The following RAP1B variants were observed in gnomAD, a reference collection of about 807,000 sequenced individuals.
The protein encoded by RAP1B is ras-related protein Rap-1b.
A neutral mutation model predicts 27.5 loss-of-function variants in RAP1B; 1 was observed. The ratio of observed to expected loss-of-function variants is 0.04; its 90% CI spans 0.01 to 0.17. The LOEUF (loss-of-function observed/expected upper bound fraction) is 0.17, where lower values mean the gene tolerates loss of function less well. Among genes scored for constraint, RAP1B ranks in the 10% least tolerant of loss-of-function variants. The probability of loss-of-function intolerance (pLI) is 1.00; values close to 1 mark genes in which losing one functional copy is unlikely to be tolerated. For synonymous variants in RAP1B, 75 were observed against 73.1 expected (o/e 1.03, Z -0.13); for missense variants, 84 against 214.8 (o/e 0.39, Z 3.81).
intron 1 of RAP1B, among the ~76,000 whole-genome samples, 172 bp downstream of exon 1, chr12:68,611,215 G>T (rs991438437): frequency 2.0e-5 from 3 of 146,862 alleles, no homozygotes; most frequent in African/African-American, 7.3e-5. Context: ...CGAGGGCCAG[G>T]CGCCGGGCCC....
chr12:68,645,978 G>A (rs1026672856), intron 1 of RAP1B, among the ~76,000 whole-genome samples: 4 of 152,270 alleles, frequency 2.6e-5, no homozygotes, highest in East Asian at 1.9e-4. Context: ...AAAGGAGCAA[G>A]TTACTGATAG....
chr12:68,651,463 A>G (rs1425973002), intron 3 of RAP1B, among the ~76,000 whole-genome samples: 1 of 151,934 alleles, frequency 6.6e-6, no homozygotes, highest in Non-Finnish European at 1.5e-5. Context: ...CTAAATACCT[A>G]TTTTTCCCTA....
chr12:68,652,130 A>G (rs892974888), intron 4 of RAP1B, 79 bp downstream of exon 4: 8 of 1,104,150 alleles, frequency 7.2e-6, no homozygotes, highest in East Asian at 7.2e-5. Flanking sequence ...CTATAGACAA[A>G]TATTAGTTAA....
intron 5 of RAP1B, 106 bp downstream of exon 5, chr12:68,654,358 G>GGA: frequency 2.3e-6 from 1 of 442,540 alleles, no homozygotes; most frequent in South Asian, 4.4e-5. Flanking sequence ...GGTTGGGGGG[G>GGA]GGGTGTTGGT....
chr12:68,616,050 G>A (rs371593563), intron 1 of RAP1B, among the ~76,000 whole-genome samples: 9 of 151,460 alleles, frequency 5.9e-5, no homozygotes, highest in African/African-American at 1.2e-4. Context: ...TGCAAGCTCC[G>A]CCTCCAGGGT....
chr12:68,624,252 C>G (rs1871590197), intron 1 of RAP1B, among the ~76,000 whole-genome samples: 1 of 152,098 alleles, frequency 6.6e-6, no homozygotes, highest in Admixed American at 6.5e-5. Context: ...TCTATAATTG[C>G]AGAGTCCAGT....
intron 1 of RAP1B, among the ~76,000 whole-genome samples, chr12:68,622,877 CTT>C: frequency 6.6e-6 from 1 of 152,164 alleles, no homozygotes; most frequent in Non-Finnish European, 1.5e-5. Flanking sequence ...TTTCTTCACT[CTT>C]TTGGTAGTGG....
At chr12:68,630,932 GTT>G (rs150971331) in intron 1 of RAP1B, among the ~76,000 whole-genome samples, 1 of 146,490 alleles carries the variant, frequency 6.8e-6, no homozygotes, top group Non-Finnish European at 1.5e-5. Context: ...GCCTGAATTT[GTT>G]TTTTTTTTCA....
At chr12:68,654,067 G>C (rs774662343) in intron 4 of RAP1B, 45 bp from the exon 5 acceptor site, 1 of 1,501,230 alleles carries the variant, frequency 6.7e-7, no homozygotes, top group African/African-American at 1.4e-5. Flanking sequence ...AAAAATAACT[G>C]TCAAAACATT....
intron 1 of RAP1B, among the ~76,000 whole-genome samples, chr12:68,632,034 C>T (rs1209661672): frequency 6.6e-6 from 1 of 150,454 alleles, no homozygotes; most frequent in African/African-American, 2.5e-5. Flanking sequence ...TTTTGCATAT[C>T]AGTGCTTTAC....
intron 1 of RAP1B, chr12:68,621,356 T>G (rs1301689337): frequency 6.7e-6 from 1 of 150,186 alleles, no homozygotes; most frequent in Non-Finnish European, 1.5e-5. Flanking sequence ...TGTCACTGAC[T>G]ATTATTTATA....
chr12:68,622,966 G>T (rs1871489327), intron 1 of RAP1B, among the ~76,000 whole-genome samples: 1 of 152,198 alleles, frequency 6.6e-6, no homozygotes, highest in Admixed American at 6.5e-5. Context: ...CTCCCAAAGT[G>T]CTGGGATTTA....
At chr12:68,616,962 A>T (rs1871073108) in intron 1 of RAP1B, among the ~76,000 whole-genome samples, 1 of 152,170 alleles carries the variant, frequency 6.6e-6, no homozygotes, top group South Asian at 2.1e-4. Context: ...TTTGCCTTGT[A>T]GGAAGGGAAA....
chr12:68,643,345 A>G (rs891099183), intron 1 of RAP1B, among the ~76,000 whole-genome samples: 59 of 152,320 alleles, frequency 3.9e-4, no homozygotes, highest in Middle Eastern at 3.4e-3. Flanking sequence ...GTCCTTTGCT[A>G]CCATATTTAT....
chr12:68,621,123 G>C (rs1042433622), intron 1 of RAP1B, among the ~76,000 whole-genome samples: 3 of 152,164 alleles, frequency 2.0e-5, no homozygotes, highest in Non-Finnish European at 2.9e-5. Context: ...GTTTAGGGAA[G>C]GAATACATGT....
At chr12:68,632,223 C>T (rs898177267) in intron 1 of RAP1B, among the ~76,000 whole-genome samples, 4 of 150,872 alleles carry the variant, frequency 2.7e-5, no homozygotes, top group Non-Finnish European at 5.9e-5. Flanking sequence ...CTGCAACCTC[C>T]GCCTCCCAGG....
At chr12:68,635,085 A>G (rs1177372008) in intron 1 of RAP1B, among the ~76,000 whole-genome samples, 2 of 152,230 alleles carry the variant, frequency 1.3e-5, no homozygotes, top group African/African-American at 4.8e-5. Flanking sequence ...ATGTGTCCTC[A>G]TTATGAGAGA....
intron 1 of RAP1B, among the ~76,000 whole-genome samples, chr12:68,623,659 A>G (rs1565658505): frequency 1.3e-5 from 2 of 152,244 alleles, no homozygotes; most frequent in Non-Finnish European, 1.5e-5. Flanking sequence ...ATTAGGATTA[A>G]GCTTTGCCAC....
intron 1 of RAP1B, among the ~76,000 whole-genome samples, chr12:68,619,126 G>A (rs1226743299): frequency 1.3e-5 from 2 of 152,112 alleles, no homozygotes; most frequent in Non-Finnish European, 2.9e-5. Context: ...ACACTTGGCA[G>A]CATACTGAAA....
Sources: gnomAD v4.1 joint callset for allele counts (sites outside exome capture counted in the v4.1 genomes callset) on GRCh38, gnomAD v4.1.1 for gene constraint, MANE v1.5 for transcripts, NCBI Gene and HGNC (gene_info 2026-07-23, HGNC 2026-07-21) for gene names.